MACROD2: variants seen among roughly 807,000 people sequenced by gnomAD.
The protein encoded by MACROD2 is ADP-ribose glycohydrolase MACROD2.
In MACROD2, 36 loss-of-function variants were observed where a neutral mutation model predicts 70.4. The observed-to-expected ratio is 0.51, with a 90% CI of 0.39 to 0.68. MACROD2 has a LOEUF of 0.68. Among genes scored for constraint, MACROD2 ranks in the 30% least tolerant of loss-of-function variants. MACROD2 has a pLI of 0.00. For synonymous variants in MACROD2, 172 were observed against 178.8 expected (o/e 0.96, Z 0.30); for missense variants, 496 against 538.4 (o/e 0.92, Z 0.78).
At position 14,041,976 on chromosome 20, in the gene MACROD2, A is replaced by T. The variant is rs150291257; in HGVS notation, c.163+39572A>T. 9.3e-3 allele frequency among the ~76,000 whole-genome samples: 1,410 copies of T among 152,280 alleles called. 18 individuals carry two copies. Among genetic ancestry groups the T allele is most frequent in the African/African-American group, 0.032 (1,312 of 41,554 alleles). On this transcript the variant is annotated intron_variant, in intron 2 of 17. Coordinates refer to ENST00000684519, the MANE Select transcript of MACROD2 (RefSeq NM_001351661.2). ...TACAGAACAATCCGGATTTAAAAAG[A>T]TGAAGACAATGAGGAAACACTGGAT...
intron 3 of MACROD2, among the ~76,000 whole-genome samples, chr20:14,373,347 A>T (rs1277596059): frequency 1.3e-5 from 2 of 152,210 alleles, no homozygotes; most frequent in Non-Finnish European, 2.9e-5. Flanking sequence ...TTGAATTATG[A>T]CAACATCAAG....
At chr20:15,039,744 G>A (rs936990667) in intron 5 of MACROD2, among the ~76,000 whole-genome samples, 5 of 152,112 alleles carry the variant, frequency 3.3e-5, no homozygotes, top group African/African-American at 7.2e-5. Flanking sequence ...AGGTACTTAC[G>A]GAGACAGCAG....
At chr20:14,948,562 G>A (rs955409129) in intron 5 of MACROD2, among the ~76,000 whole-genome samples, 5 of 152,124 alleles carry the variant, frequency 3.3e-5, no homozygotes, top group African/African-American at 7.2e-5. Flanking sequence ...GTTTCCAGCC[G>A]TTCTAATGCC....
At chr20:15,415,758 C>A (rs1269054385) in intron 6 of MACROD2, among the ~76,000 whole-genome samples, 1 of 152,186 alleles carries the variant, frequency 6.6e-6, no homozygotes, top group Non-Finnish European at 1.5e-5. Flanking sequence ...CTCCTTCCAT[C>A]TTTTCTTCCA....
At chr20:14,110,209 C>T (rs995059303) in intron 3 of MACROD2, among the ~76,000 whole-genome samples, 3 of 151,760 alleles carry the variant, frequency 2.0e-5, no homozygotes, top group South Asian at 2.1e-4. Flanking sequence ...TAAAAAAACT[C>T]GGTATAGAAG....
chr20:15,677,234 A>G (rs774629340), intron 8 of MACROD2, among the ~76,000 whole-genome samples: 31 of 152,188 alleles, frequency 2.0e-4, no homozygotes, highest in Non-Finnish European at 1.0e-4. Flanking sequence ...TTTAATTTTT[A>G]TCCTAGATAA....
intron 5 of MACROD2, among the ~76,000 whole-genome samples, chr20:14,820,013 C>G (rs962605274): frequency 6.6e-6 from 1 of 151,998 alleles, no homozygotes; most frequent in Non-Finnish European, 1.5e-5. Context: ...AGGAAGCATC[C>G]TAAGTAATTC....
At chr20:14,325,533 A>G (rs753364533) in intron 3 of MACROD2, 5 of 1,577,624 alleles carry the variant, frequency 3.2e-6, no homozygotes, top group African/African-American at 1.4e-5. Context: ...CCCAAAACAC[A>G]AGTCTGCTGT....
intron 5 of MACROD2, among the ~76,000 whole-genome samples, chr20:14,741,200 A>G (rs976537230): frequency 2.0e-5 from 3 of 152,186 alleles, no homozygotes; most frequent in African/African-American, 7.2e-5. Context: ...ATATTCACAC[A>G]TATATTGTAT....
chr20:15,836,683 T>C (rs928906164), intron 8 of MACROD2, among the ~76,000 whole-genome samples: 1 of 152,236 alleles, frequency 6.6e-6, no homozygotes, highest in African/African-American at 2.4e-5. Flanking sequence ...TTGAAAGGGA[T>C]TGACTATCCG....
intron 6 of MACROD2, among the ~76,000 whole-genome samples, chr20:15,233,468 G>A (rs1397603938): frequency 6.6e-6 from 1 of 151,952 alleles, no homozygotes; most frequent in Non-Finnish European, 1.5e-5. Flanking sequence ...ATAGTAGAGA[G>A]GGAAATGTTA....
chr20:15,752,866 A>T (rs928297854), intron 8 of MACROD2, among the ~76,000 whole-genome samples: 8 of 152,142 alleles, frequency 5.3e-5, no homozygotes, highest in Non-Finnish European at 1.0e-4. Flanking sequence ...CCGGTCTTAG[A>T]GATGAGAGGA....
intron 3 of MACROD2, among the ~76,000 whole-genome samples, chr20:14,383,121 G>C (rs531323685): frequency 5.9e-5 from 9 of 152,264 alleles, no homozygotes; most frequent in African/African-American, 2.2e-4. Flanking sequence ...TTTCTTTTAA[G>C]TCTGGGATTA....
chr20:14,144,016 C>T (rs2054911462), intron 3 of MACROD2, among the ~76,000 whole-genome samples: 1 of 151,528 alleles, frequency 6.6e-6, no homozygotes, highest in Non-Finnish European at 1.5e-5. Flanking sequence ...TTTTTTCTAT[C>T]TTTGTTTTTT....
intron 6 of MACROD2, among the ~76,000 whole-genome samples, chr20:15,357,015 C>A (rs1414818894): frequency 6.6e-6 from 1 of 151,936 alleles, no homozygotes; most frequent in Non-Finnish European, 1.5e-5. Flanking sequence ...TTATATGAAC[C>A]TTTATATGAA....
chr20:15,915,471 G>A (rs1474185832), intron 10 of MACROD2, among the ~76,000 whole-genome samples: 1 of 152,196 alleles, frequency 6.6e-6, no homozygotes. Context: ...TCACACTAAA[G>A]CATAGGAAGT....
chr20:15,052,580 CTTAA>C (rs976807953), intron 5 of MACROD2, among the ~76,000 whole-genome samples: 23 of 152,196 alleles, frequency 1.5e-4, no homozygotes, highest in African/African-American at 4.3e-4. Flanking sequence ...AGGTCACAAA[CTTAA>C]TTAATCAATG....
chr20:14,317,732 G>A (rs2082625893), intron 3 of MACROD2, among the ~76,000 whole-genome samples: 1 of 151,934 alleles, frequency 6.6e-6, no homozygotes, highest in Admixed American at 6.6e-5. Flanking sequence ...CAGATACTCA[G>A]TACATCATTG....
chr20:15,233,377 A>G (rs181213446), intron 6 of MACROD2, among the ~76,000 whole-genome samples: 1 of 152,126 alleles, frequency 6.6e-6, no homozygotes, highest in Non-Finnish European at 1.5e-5. Context: ...CTGAAAGGAG[A>G]TGGAGAAAAA....
Sources: allele counts gnomAD v4.1 joint callset (sites outside exome capture counted in the v4.1 genomes callset), GRCh38; gene constraint gnomAD v4.1.1; transcripts MANE v1.5; gene names NCBI Gene and HGNC (gene_info 2026-07-23, HGNC 2026-07-21).